The following TNFAIP6 variants were observed in gnomAD, a reference collection of about 807,000 sequenced individuals.
TNFAIP6 encodes the protein tumor necrosis factor-inducible gene 6 protein.
In TNFAIP6, 36 loss-of-function variants were observed where a neutral mutation model predicts 33.7. The ratio of observed to expected loss-of-function variants is 1.07; its 90% confidence interval spans 0.82 to 1.41. The LOEUF (loss-of-function observed/expected upper bound fraction) is 1.41, where lower values mean the gene tolerates loss of function less well. TNFAIP6 is among the 40% of genes most tolerant of loss of function. The probability of loss-of-function intolerance (pLI) is 0.00; values close to 1 mark genes in which losing one functional copy is unlikely to be tolerated. For synonymous variants in TNFAIP6, 113 were observed against 112.8 expected, an observed-to-expected ratio of 1.00 and a Z score of -0.01; for missense variants, 273 against 331.9, an observed-to-expected ratio of 0.82 and a Z score of 1.38.
chr2:151,372,245 C>T (rs1684828737), intron 4 of TNFAIP6: 1 of 152,204 alleles, frequency 6.6e-6, no homozygotes, highest in African/African-American at 2.4e-5. Flanking sequence ...TATGAATAAA[C>T]ATTGTATTTC....
intron 1 of TNFAIP6, among the ~76,000 whole-genome samples, chr2:151,362,654 C>T (rs1210916866): frequency 6.6e-6 from 1 of 151,796 alleles, no homozygotes; most frequent in Non-Finnish European, 1.5e-5. Flanking sequence ...CCACGCCTGG[C>T]TAATTTTTTG....
chr2:151,376,816 T>TA (rs60191620), intron 5 of TNFAIP6, among the ~76,000 whole-genome samples: 24 of 150,106 alleles, frequency 1.6e-4, no homozygotes, highest in Middle Eastern at 3.4e-3. Flanking sequence ...AATTCTACTT[T>TA]AAAAAAAAAT....
downstream of TNFAIP6, among the ~76,000 whole-genome samples, chr2:151,381,130 T>G (rs1685004214): frequency 1.3e-5 from 2 of 152,094 alleles, no homozygotes; most frequent in African/African-American, 4.8e-5. Context: ...ACCTTCTCCT[T>G]CCATCTTCCC....
downstream of TNFAIP6, among the ~76,000 whole-genome samples, chr2:151,380,984 G>A (rs1685002645): frequency 6.6e-6 from 1 of 151,914 alleles, no homozygotes; most frequent in African/African-American, 2.4e-5. Flanking sequence ...CACCTTTTTA[G>A]GGAGAAAAAA....
intron 3 of TNFAIP6, among the ~76,000 whole-genome samples, chr2:151,369,643 C>T (rs1573782905): frequency 6.7e-6 from 1 of 150,302 alleles, no homozygotes; most frequent in Non-Finnish European, 1.5e-5. Flanking sequence ...GGCTGGGTGG[C>T]ACATGCCTGT....
intron 1 of TNFAIP6, among the ~76,000 whole-genome samples, chr2:151,361,755 A>G (rs2152012082): frequency 6.6e-6 from 1 of 152,338 alleles, no homozygotes; most frequent in East Asian, 1.9e-4. Flanking sequence ...GAAAACTAGC[A>G]AAAGTTTAAT....
At chr2:151,373,327 T>C (rs1199652433) in intron 4 of TNFAIP6, among the ~76,000 whole-genome samples, 1 of 152,046 alleles carries the variant, frequency 6.6e-6, no homozygotes, top group African/African-American at 2.4e-5. Context: ...TAAAATAAAA[T>C]AAAATAAAAT....
At chr2:151,380,599 T>C (rs575248206), downstream of TNFAIP6, among the ~76,000 whole-genome samples, 2 of 152,356 alleles carry the variant, frequency 1.3e-5, no homozygotes, top group African/African-American at 4.8e-5. Flanking sequence ...ACGTTGGTTT[T>C]ATTGATATAA....
intron 5 of TNFAIP6, among the ~76,000 whole-genome samples, chr2:151,376,865 C>CTTTTT (rs71403162): frequency 0.021 from 2,437 of 114,124 alleles, 9 homozygotes; most frequent in African/African-American, 0.027. Context: ...TTTTTCTTTT[C>CTTTTT]TTTTTTTTTT....
chr2:151,372,428 C>A (rs1042537907), intron 4 of TNFAIP6: 1 of 151,924 alleles, frequency 6.6e-6, no homozygotes, highest in Admixed American at 6.6e-5. Context: ...CCTGTAAAAC[C>A]CTTACCTTTT....
Position 151,369,998 on chromosome 2 carries a change from G to A in TNFAIP6, c.395-22G>A, listed in dbSNP as rs56801020. 7.6e-3 allele frequency: 11,840 copies of A among 1,558,692 alleles called. 390 individuals are homozygous for A. In the African/African-American group the frequency reaches 0.087, roughly 11 times the overall value. Reference sequence around the variant, plus strand: ...TTTCCTAATGCTTTGGGGTTTTTACGTTTTTTTTCTTCTCATTTCAGCAAA... The same window carrying A: ...TTTCCTAATGCTTTGGGGTTTTTACATTTTTTTTCTTCTCATTTCAGCAAA... On this transcript the variant is annotated intron_variant, in intron 3 of 5. Transcript: ENST00000243347.
At chr2:151,377,637 G>C (rs1227377042) in intron 5 of TNFAIP6, among the ~76,000 whole-genome samples, 2 of 151,214 alleles carry the variant, frequency 1.3e-5, no homozygotes, top group Non-Finnish European at 3.0e-5. Context: ...TAGTGTTTTT[G>C]AACACATTTT....
At chr2:151,377,935 T>C (rs1684944426) in intron 5 of TNFAIP6, among the ~76,000 whole-genome samples, 1 of 152,168 alleles carries the variant, frequency 6.6e-6, no homozygotes, top group Non-Finnish European at 1.5e-5. Context: ...GGCAAGCTAC[T>C]TAGTAGTCAC....
At chr2:151,369,360 G>A (rs1684772654) in intron 3 of TNFAIP6, among the ~76,000 whole-genome samples, 2 of 151,674 alleles carry the variant, frequency 1.3e-5, no homozygotes, top group Admixed American at 6.6e-5. Context: ...TCACTATGTT[G>A]CCCAGGTTGG....
intron 5 of TNFAIP6, among the ~76,000 whole-genome samples, chr2:151,376,874 T>G (rs930202118): frequency 6.7e-6 from 1 of 149,290 alleles, no homozygotes; most frequent in East Asian, 1.9e-4. Flanking sequence ...TCTTTTTTTT[T>G]TTTTTTTTTT....
At chr2:151,360,842 G>C (rs1015626417) in intron 1 of TNFAIP6, among the ~76,000 whole-genome samples, 2 of 152,074 alleles carry the variant, frequency 1.3e-5, no homozygotes, top group Non-Finnish European at 2.9e-5. Flanking sequence ...AAAAGTTTAA[G>C]AAAAATTACT....
Position 151,363,992 on chromosome 2 carries a change from G to A in TNFAIP6, c.144G>A (p.Lys48=), listed in dbSNP as rs375585000. ...GAGAAGCACGGTCTGGCAAATACAAGCTCACCTACGCAGAAGCTAAGGCGG... is the reference window on the plus strand; with the variant it reads ...GAGAAGCACGGTCTGGCAAATACAAACTCACCTACGCAGAAGCTAAGGCGG... ...YHREARSGKY[K]LTYAEAKAVC... is the part of the protein sequence containing the mutation. The change falls in exon 2 of 6, where the codon AAG becomes AAA. Residue 48 remains lysine, a synonymous_variant. Transcript: ENST00000243347. 53 of 1,613,954 alleles carry A rather than the reference G, an allele frequency of 3.3e-5. No individual in the cohort carries two copies. The highest frequency in any genetic ancestry group is 1.6e-4 in the Middle Eastern group (1 of 6,084).
intron 1 of TNFAIP6, among the ~76,000 whole-genome samples, chr2:151,360,644 T>C (rs998870051): frequency 3.3e-5 from 5 of 152,228 alleles, no homozygotes; most frequent in African/African-American, 7.2e-5. Context: ...AAACACCTTA[T>C]TTAAAATTGT....
downstream of TNFAIP6, among the ~76,000 whole-genome samples, chr2:151,380,485 C>T (rs1684996041): frequency 6.6e-6 from 1 of 152,054 alleles, no homozygotes; most frequent in African/African-American, 2.4e-5. Context: ...GACAAAATGA[C>T]AACAAATTTA....
Sources: gnomAD v4.1 joint callset for allele counts (sites outside exome capture counted in the v4.1 genomes callset) on GRCh38, gnomAD v4.1.1 for gene constraint, MANE v1.5 for transcripts, NCBI Gene and HGNC (gene_info 2026-07-23, HGNC 2026-07-21) for gene names.